COL24A1: variants seen among roughly 807,000 people sequenced by gnomAD.
The protein encoded by COL24A1 is collagen alpha-1(XXIV) chain.
COL24A1 carries 224 observed loss-of-function variants against 253.9 expected under a neutral mutation model. That is an observed-to-expected ratio of 0.88 (90% CI 0.79 to 0.99). The LOEUF is 0.99. COL24A1 is among the 50% of genes least tolerant of loss of function. The pLI is 0.00. For synonymous variants in COL24A1, 685 were observed against 673.7 expected, an observed-to-expected ratio of 1.02 and a Z score of -0.26; for missense variants, 2,131 against 2,068.5, an observed-to-expected ratio of 1.03 and a Z score of -0.59.
chr1:85,817,376 A>G (rs1673145054), intron 46 of COL24A1, among the ~76,000 whole-genome samples: 1 of 152,118 alleles, frequency 6.6e-6, no homozygotes, highest in African/African-American at 2.4e-5. Flanking sequence ...TTGTTTCTAC[A>G]CTTGGGCAAC....
intron 31 of COL24A1, among the ~76,000 whole-genome samples, chr1:85,894,170 A>G (rs2102781434): frequency 6.6e-6 from 1 of 152,276 alleles, no homozygotes; most frequent in East Asian, 1.9e-4. Flanking sequence ...ATCCAATCCC[A>G]TCATGTCAAT....
intron 39 of COL24A1, among the ~76,000 whole-genome samples, chr1:85,847,454 T>C (rs1297427529): frequency 6.6e-6 from 1 of 152,244 alleles, no homozygotes; most frequent in East Asian, 1.9e-4. Context: ...ATTTTCATTT[T>C]TTTCTCTTTC....
At chr1:86,077,391 G>C (rs1393215633) in intron 7 of COL24A1, among the ~76,000 whole-genome samples, 4 of 152,294 alleles carry the variant, frequency 2.6e-5, no homozygotes, top group East Asian at 3.9e-4. Flanking sequence ...CTGTTGGTTG[G>C]AGTATAAATT....
intron 39 of COL24A1, among the ~76,000 whole-genome samples, chr1:85,846,998 G>T (rs1007172890): frequency 6.6e-6 from 1 of 151,990 alleles, no homozygotes; most frequent in Non-Finnish European, 1.5e-5. Context: ...ATGGAAATAC[G>T]CATGCATTTT....
At chr1:86,152,276 C>A (rs1022003787) in intron 1 of COL24A1, among the ~76,000 whole-genome samples, 1 of 152,082 alleles carries the variant, frequency 6.6e-6, no homozygotes, top group Non-Finnish European at 1.5e-5. Context: ...AATCCAAAGT[C>A]CTAAATGCTC....
At position 85,895,888 on chromosome 1, in the gene COL24A1, G is replaced by T. The variant is rs202079349; in HGVS notation, c.2892C>A (p.Asn964Lys). 1,246 of 1,609,204 alleles carry T rather than the reference G, an allele frequency of 7.7e-4. No individual in the cohort carries two copies. Among genetic ancestry groups the T allele is most frequent in the Non-Finnish European group, 8.8e-4 (1,043 of 1,178,730 alleles). ...TCCCTTGAAATCCTCTTTCTCCAGGGTTTCCAGTCTTACCCTACATGAGAA... is the reference window on the plus strand; with the variant it reads ...TCCCTTGAAATCCTCTTTCTCCAGGTTTTCCAGTCTTACCCTACATGAGAA... Reference protein sequence around the residue: ...GPHGLIGKTGNPGERGFQGKP... With the variant: ...GPHGLIGKTGKPGERGFQGKP... The change falls in exon 31 of 60, where the codon AAC becomes AAA. Residue 964 changes from asparagine (N) to lysine (K), a missense_variant. Coordinates refer to ENST00000370571, the MANE Select transcript of COL24A1 (RefSeq NM_152890.7).
chr1:86,090,476 G>A (rs747628364), intron 6 of COL24A1, among the ~76,000 whole-genome samples: 23 of 152,118 alleles, frequency 1.5e-4, no homozygotes, highest in Non-Finnish European at 2.9e-4. Context: ...ACATGGTGAA[G>A]TACTAAATCC....
intron 32 of COL24A1, among the ~76,000 whole-genome samples, chr1:85,889,202 C>T (rs1199346681): frequency 6.6e-6 from 1 of 151,998 alleles, no homozygotes; most frequent in Non-Finnish European, 1.5e-5. Context: ...GTATGGTCTT[C>T]TAATTATAGA....
chr1:86,007,500 C>T (rs1263523277), intron 19 of COL24A1, among the ~76,000 whole-genome samples: 1 of 152,308 alleles, frequency 6.6e-6, no homozygotes, highest in East Asian at 1.9e-4. Context: ...TATGTCCACA[C>T]AAAACCCTGC....
chr1:86,009,988 A>T (rs1696348096), intron 19 of COL24A1, among the ~76,000 whole-genome samples: 1 of 152,190 alleles, frequency 6.6e-6, no homozygotes, highest in African/African-American at 2.4e-5. Flanking sequence ...TTAACGAATG[A>T]TTCTGAGAAA....
chr1:85,978,632 GA>G (rs1261670191), intron 20 of COL24A1, among the ~76,000 whole-genome samples: 1 of 152,082 alleles, frequency 6.6e-6, no homozygotes, highest in East Asian at 1.9e-4. Flanking sequence ...AGTCCAACAT[GA>G]AAATGTCACA....
chr1:85,839,341 A>C (rs910058432), intron 42 of COL24A1, among the ~76,000 whole-genome samples: 3 of 152,238 alleles, frequency 2.0e-5, no homozygotes, highest in African/African-American at 2.4e-5. Flanking sequence ...AGTTCAGTAC[A>C]TAATTCCATT....
chr1:85,974,752 C>T (rs768679326), intron 20 of COL24A1, among the ~76,000 whole-genome samples: 36 of 152,014 alleles, frequency 2.4e-4, no homozygotes, highest in Admixed American at 5.9e-4. Flanking sequence ...ATGTTAAACA[C>T]AAACTTTAAA....
At position 85,850,137 on chromosome 1, in the gene COL24A1, C is replaced by CT. The variant is rs575362151; in HGVS notation, c.3301-732dup. ...GTATATTAAAAGTTTTCAATATACA[C>CT]TTTTTTTTAAGTAAAAGTGGGGCAC... On this transcript the variant is annotated intron_variant, in intron 37 of 59. Transcript: ENST00000370571. Among the ~76,000 whole-genome samples, 334 of 152,040 alleles carry CT rather than the reference C, an allele frequency of 2.2e-3. 10 individuals are homozygous for CT. In the South Asian group the frequency reaches 0.053, roughly 24 times the overall value.
chr1:86,127,906 T>C (rs1170521111), intron 2 of COL24A1, among the ~76,000 whole-genome samples: 1 of 152,072 alleles, frequency 6.6e-6, no homozygotes, highest in Non-Finnish European at 1.5e-5. Flanking sequence ...AACAGAGATC[T>C]TCACAAAACA....
intron 12 of COL24A1, among the ~76,000 whole-genome samples, chr1:86,041,478 T>C (rs1571709910): frequency 6.6e-6 from 1 of 152,100 alleles, no homozygotes; most frequent in African/African-American, 2.4e-5. Context: ...AGACTACTGA[T>C]TAAATCAAGC....
chr1:86,122,101 T>C (rs183388686), intron 3 of COL24A1, among the ~76,000 whole-genome samples: 3 of 152,194 alleles, frequency 2.0e-5, no homozygotes, highest in African/African-American at 7.2e-5. Context: ...CCTTTAGTCT[T>C]CTACACTGCG....
At chr1:85,938,131 G>T (rs1688394750) in intron 24 of COL24A1, among the ~76,000 whole-genome samples, 1 of 147,506 alleles carries the variant, frequency 6.8e-6, no homozygotes. Context: ...CCTATAGGAT[G>T]AAGTATATAC....
intron 19 of COL24A1, among the ~76,000 whole-genome samples, chr1:86,016,646 T>C (rs1334796271): frequency 6.6e-6 from 1 of 152,190 alleles, no homozygotes; most frequent in Non-Finnish European, 1.5e-5. Flanking sequence ...TCTCAGAAGC[T>C]TATGTTCTAT....
Sources: gnomAD v4.1 joint callset for allele counts (sites outside exome capture counted in the v4.1 genomes callset) on GRCh38, gnomAD v4.1.1 for gene constraint, MANE v1.5 for transcripts, NCBI Gene and HGNC (gene_info 2026-07-23, HGNC 2026-07-21) for gene names.